Variants in COL9A3 observed in about 807,000 individuals in gnomAD.
COL9A3 encodes the protein collagen alpha-3(IX) chain.
In COL9A3, 82 loss-of-function variants were observed where a neutral mutation model predicts 110.2. The observed-to-expected ratio is 0.74, with a 90% CI of 0.62 to 0.89. COL9A3 has a LOEUF of 0.89. Ranked by LOEUF, COL9A3 falls within the 40% of genes least tolerant of loss-of-function variation. COL9A3 has a pLI of 0.00. For missense variants in COL9A3, 1,066 were observed against 981.3 expected (o/e 1.09, Z -1.15); for synonymous variants, 494 against 403.8 (o/e 1.22, Z -2.68).
intron 30 of COL9A3, among the ~76,000 whole-genome samples, chr20:62,838,186 A>G (rs2063650595): frequency 1.3e-5 from 2 of 152,256 alleles, no homozygotes; most frequent in African/African-American, 4.8e-5. Flanking sequence ...TGCACGGCTC[A>G]GCAGCAGGCA....
rs985099901 is a variant in COL9A3, at chr20:62,840,988, G to A, written c.*256G>A. ...GAAGGTAGGGTGTGTATATATAAAA[G>A]GTTGTGTACAACTCCACGAGGTGAA... is the stretch of plus-strand genomic sequence containing the variant. On this transcript the variant is annotated 3_prime_UTR_variant, in exon 32 of 32. Coordinates refer to ENST00000649368, the MANE Select transcript of COL9A3 (RefSeq NM_001853.4). 5 of 506,020 alleles carry A rather than the reference G, an allele frequency of 9.9e-6. No individual in the cohort carries two copies. The highest frequency in any genetic ancestry group is 9.7e-5 in the African/African-American group (5 of 51,608). 31.3% of individuals were successfully genotyped at this position (506,020 alleles called of 1,614,324 possible).
chr20:62,835,944 C>G lies in COL9A3; in HGVS notation c.1392C>G (p.Pro464=), dbSNP rs2147226727. The change falls in exon 27 of 32, where the codon CCC becomes CCG. Residue 464 remains proline, a synonymous_variant. Coordinates refer to ENST00000649368, the MANE Select transcript of COL9A3 (RefSeq NM_001853.4). ...GELGPSGLVG[P]KGESGSRGEL... ...AGGGTCCCAGCGGCCTGGTCGGACC[C>G]AAAGGAGAGGTGAGTGCCCGGCGAC... is the stretch of plus-strand genomic sequence containing the variant. The G allele has an allele frequency of 6.2e-7, 1 of 1,614,172 alleles. No homozygotes were observed. The highest frequency in any genetic ancestry group is 1.7e-5 in the Admixed American group (1 of 60,032).
intron 23 of COL9A3, 50 bp from the exon 24 acceptor site, chr20:62,830,467 C>A: frequency 6.3e-7 from 1 of 1,590,654 alleles, no homozygotes; most frequent in Non-Finnish European, 8.6e-7. Flanking sequence ...CCCAGACGGG[C>A]CAGACCCGAC....
At chr20:62,824,754 C>T (rs2063537115) in intron 11 of COL9A3, among the ~76,000 whole-genome samples, 1 of 152,198 alleles carries the variant, frequency 6.6e-6, no homozygotes, top group African/African-American at 2.4e-5. Flanking sequence ...CCACCCCAGC[C>T]CAGCCCTGGC....
At position 62,826,754 on chromosome 20, in the gene COL9A3, C is replaced by T. The variant is rs1343656593; in HGVS notation, c.739-13C>T. The stretch of plus-strand genomic sequence containing the variant: ...CAGACAAGAGGACCCCGGATCCCCT[C>T]TCTCCTCTGCAGGGTCCCATTGGGT... On this transcript the variant is annotated splice_polypyrimidine_tract_variant and intron_variant, in intron 14 of 31. Transcript: ENST00000649368. 3 of 1,612,436 alleles carry T rather than the reference C, an allele frequency of 1.9e-6. No homozygotes were observed. The African/African-American group carries it at 4.0e-5, about 22-fold the overall frequency.
At position 62,826,824 on chromosome 20, in the gene COL9A3, C is replaced by T. The variant is rs745984330; in HGVS notation, c.792+4C>T. The stretch of plus-strand genomic sequence containing the variant: ...CCCAGGAGCGCCTGGGAAAGCGGTA[C>T]GTGTGTCAGTGGACGGTGGGCGCCA... On this transcript the variant is annotated splice_donor_region_variant and intron_variant, in intron 15 of 31. Coordinates refer to ENST00000649368, the MANE Select transcript of COL9A3 (RefSeq NM_001853.4). The T allele has an allele frequency of 1.3e-5, 21 of 1,612,616 alleles. No homozygotes were observed. In the South Asian group the frequency reaches 1.3e-4, roughly 10 times the overall value.
At chr20:62,821,274 G>A (rs2063510131) in intron 6 of COL9A3, 58 bp downstream of exon 6, 1 of 1,557,618 alleles carries the variant, frequency 6.4e-7, no homozygotes, top group South Asian at 1.1e-5. Context: ...TGGAGAGTCT[G>A]GTCTAAATGG....
At chr20:62,828,065 A>T in intron 17 of COL9A3, 89 bp downstream of exon 17, 1 of 1,348,428 alleles carries the variant, frequency 7.4e-7, no homozygotes, top group Non-Finnish European at 1.1e-6. Context: ...GCTGGAGCTC[A>T]GTGCCCTCTG....
upstream of COL9A3, chr20:62,817,015 C>G: frequency 8.9e-7 from 1 of 1,128,226 alleles, no homozygotes; most frequent in Non-Finnish European, 1.1e-6. Flanking sequence ...CCCGCCCCGC[C>G]CGCCCGCGCG....
In COL9A3 at chr20:62,836,234, C is replaced by A. The variant is rs151056612; in HGVS notation, c.1449C>A (p.Asn483Lys). The change falls in exon 28 of 32, where the codon AAC becomes AAA. Residue 483 changes from asparagine to lysine, a missense_variant. Transcript: ENST00000649368. ...ELGPKGTQGPNGTSGVQGVPG... is the reference protein window; with the variant it reads ...ELGPKGTQGPKGTSGVQGVPG... ...GCCCCAAAGGCACCCAGGGTCCCAA[C>A]GGCACCAGCGGTGTTCAGGGTGTCC... The A allele has an allele frequency of 2.5e-6, 4 of 1,613,556 alleles. No homozygotes were observed. Among genetic ancestry groups the A allele is most frequent in the Admixed American group, 3.3e-5 (2 of 60,002 alleles).
Position 62,828,938 on chromosome 20 carries a change from A to C in COL9A3, c.970A>C (p.Asn324His). 1 of 1,611,680 alleles carries C rather than the reference A, an allele frequency of 6.2e-7. No individual in the cohort carries two copies. The highest frequency in any genetic ancestry group is 8.5e-7 in the Non-Finnish European group (1 of 1,179,730). The change falls in exon 19 of 32, where the codon AAC becomes CAC. Residue 324 changes from asparagine (N) to histidine (H), a missense_variant. By Grantham distance (68) the Asn-to-His change is moderately conservative. Transcript: ENST00000649368. ...LDGQKGEAGR[N>H]GAPGEKGPNG... Reference sequence around the variant, plus strand: ...GTCCTCACAGGGAGAGGCTGGTCGCAACGGTGCTCCGGGAGAGAAGGGCCC... The same window carrying C: ...GTCCTCACAGGGAGAGGCTGGTCGCCACGGTGCTCCGGGAGAGAAGGGCCC...
At chr20:62,817,443 G>T in intron 1 of COL9A3, 124 bp from the exon 2 acceptor site, 1 of 697,928 alleles carries the variant, frequency 1.4e-6, no homozygotes, top group East Asian at 3.0e-5. Flanking sequence ...CCGAGGCTTT[G>T]GGTCTCACCG....
chr20:62,840,347 T>A (rs1428839933), intron 31 of COL9A3, among the ~76,000 whole-genome samples, 195 bp from the exon 32 acceptor site: 9 of 151,900 alleles, frequency 5.9e-5, no homozygotes, highest in Non-Finnish European at 1.2e-4. Context: ...CGCCTGGCCT[T>A]CCCCGGACAC....
intron 17 of COL9A3, among the ~76,000 whole-genome samples, chr20:62,828,277 G>A (rs1345101402): frequency 6.6e-6 from 1 of 152,188 alleles, no homozygotes; most frequent in East Asian, 1.9e-4. Context: ...CACCCATGCG[G>A]GCACCTTCCT....
At chr20:62,830,016 T>G (rs2063583251) in intron 22 of COL9A3, among the ~76,000 whole-genome samples, 197 bp downstream of exon 22, 1 of 152,120 alleles carries the variant, frequency 6.6e-6, no homozygotes, top group Non-Finnish European at 1.5e-5. Context: ...AGGCCGGAGC[T>G]GCCCTGTTTT....
In COL9A3 at chr20:62,819,314, C is replaced by T. The variant is rs758893953; in HGVS notation, c.255+21C>T. On this transcript the variant is annotated intron_variant, in intron 4 of 31. Coordinates refer to ENST00000649368, the MANE Select transcript of COL9A3 (RefSeq NM_001853.4). Reference sequence around the variant, plus strand: ...TGGATGTGAGTGCGCCTGCCCCTCCCCGCCATGCCCCACTCCCCGCTCCGG... The same window carrying T: ...TGGATGTGAGTGCGCCTGCCCCTCCTCGCCATGCCCCACTCCCCGCTCCGG... 6 of 1,595,986 alleles carry T rather than the reference C, an allele frequency of 3.8e-6. No individual in the cohort carries two copies. In the Admixed American group the frequency reaches 5.1e-5, roughly 14 times the overall value.
At chr20:62,825,910 C>T in intron 13 of COL9A3, 40 bp downstream of exon 13, 1 of 1,546,018 alleles carries the variant, frequency 6.5e-7, no homozygotes, top group Non-Finnish European at 8.8e-7. Flanking sequence ...GATGGGAACT[C>T]AGCCCACAGA....
rs770415724 is a variant in COL9A3 at position 62,821,801 on chromosome 20, C to T, written c.414C>T (p.Arg138=). The T allele has an allele frequency of 8.1e-6, 13 of 1,603,610 alleles. No individual in the cohort carries two copies. The highest frequency in any genetic ancestry group is 4.0e-5 in the African/African-American group (3 of 74,910). Reference sequence around the variant, plus strand: ...GCCCCCCAGGTGGGATCGGCCTCCGCGGCCCCCCGGTGAGTGGCTGTCCCA... The same window carrying T: ...GCCCCCCAGGTGGGATCGGCCTCCGTGGCCCCCCGGTGAGTGGCTGTCCCA... ...VSGPPGGIGL[R]GPPGPSGLPG... Residue 138 remains arginine, a synonymous_variant, in exon 8 of 32, where the codon CGC becomes CGT. Transcript: ENST00000649368.
intron 7 of COL9A3, 106 bp downstream of exon 7, chr20:62,821,636 A>G: frequency 6.4e-7 from 1 of 1,564,818 alleles, no homozygotes; most frequent in Non-Finnish European, 8.8e-7. Flanking sequence ...TCTCAGGGGC[A>G]GCCATCTGAC....
Sources: gnomAD v4.1 joint callset for allele counts (sites outside exome capture counted in the v4.1 genomes callset) on GRCh38, gnomAD v4.1.1 for gene constraint, MANE v1.5 for transcripts, NCBI Gene and HGNC (gene_info 2026-07-23, HGNC 2026-07-21) for gene names.